Variants in ING5 observed in about 807,000 individuals in gnomAD.
The protein encoded by ING5 is inhibitor of growth family member 5, also known as inhibitor of growth protein 5.
In ING5, 17 loss-of-function variants were observed where a neutral mutation model predicts 37.4. The ratio of observed to expected loss-of-function variants is 0.45; its 90% confidence interval spans 0.31 to 0.68. The LOEUF is 0.68. Among genes scored for constraint, ING5 ranks in the 30% least tolerant of loss-of-function variants. ING5 has a pLI of 0.05. For synonymous variants in ING5, 123 were observed against 116.6 expected, an observed-to-expected ratio of 1.06 and a Z score of -0.36; for missense variants, 233 against 311.9, an observed-to-expected ratio of 0.75 and a Z score of 1.91.
chr2:241,723,798 T>A (rs779535537), intron 7 of ING5: 3 of 1,597,826 alleles, frequency 1.9e-6, no homozygotes, highest in Non-Finnish European at 2.5e-6. Context: ...CAGATTTCAT[T>A]TAAATAAAAA....
intron 5 of ING5, chr2:241,722,285 G>A (rs113968215): frequency 0.013 from 12,465 of 985,358 alleles, 126 homozygotes; most frequent in African/African-American, 0.048. Flanking sequence ...CAAAGGGGCC[G>A]GGGTCTTTGG....
chr2:241,690,432 C>T (rs2069532457), exon 2 of ING5: 1 of 392,188 alleles, frequency 2.5e-6, no homozygotes, highest in South Asian at 1.4e-4. Flanking sequence ...CAGGTTGGTC[C>T]ACATCCTAGC....
chr2:241,706,956 ATTTTTTTTTT>A (rs35471600), intron 2 of ING5, among the ~76,000 whole-genome samples: 1 of 120,756 alleles, frequency 8.3e-6, no homozygotes, highest in African/African-American at 3.1e-5. Context: ...TGGTGTGGCA[ATTTTTTTTTT>A]TTTTTTTTTT....
At chr2:241,720,162 G>A (rs956587842) in intron 5 of ING5, 26 of 1,236,788 alleles carry the variant, frequency 2.1e-5, no homozygotes, top group East Asian at 9.4e-5. Flanking sequence ...CTGCCGGGGC[G>A]GGAGTGTGCA....
intron 5 of ING5, among the ~76,000 whole-genome samples, chr2:241,712,571 T>C (rs2070143760): frequency 1.3e-5 from 2 of 152,220 alleles, no homozygotes. Context: ...TTTGAGATAC[T>C]TTATTTAAAG....
rs1691693208 is a variant in ING5 at position 241,728,099 on chromosome 2, T to C, written c.*3068T>C. 1 of 152,278 alleles carries C rather than the reference T, an allele frequency of 6.6e-6. No homozygotes were observed. The highest frequency in any genetic ancestry group is 1.5e-5 in the Non-Finnish European group (1 of 68,052). The allele number at this position is 152,278 out of a possible 1,614,324, so 9.4% of individuals were successfully genotyped here. A position where few individuals can be genotyped will look rare whatever the true frequency, so the allele number is the denominator to read the frequency against. On this transcript the variant is annotated 3_prime_UTR_variant, in exon 8 of 8. Coordinates refer to ENST00000313552, the MANE Select transcript of ING5 (RefSeq NM_032329.6). ...CAGAATGAGACAATTCCTTGGGCTG[T>C]AGTTTGGACCCAACTGAATCCTGAG...
rs35435997 is a variant in ING5, at chr2:241,726,040, G to A, written c.*1009G>A. 0.11 allele frequency: 17,268 copies of A among 152,684 alleles called. 966 individuals carry two copies. The highest frequency in any genetic ancestry group is 0.15 in the South Asian group (701 of 4,818). The allele number at this position is 152,684 out of a possible 1,614,324, so 9.5% of individuals were successfully genotyped here. A position where few individuals can be genotyped will look rare whatever the true frequency, so the allele number is the denominator to read the frequency against. ...TAATGAGCGTTCACCAAGCTGAGCC[G>A]GAGCCATCCTTTCGGTGGTAGTTGG... On this transcript the variant is annotated 3_prime_UTR_variant, in exon 8 of 8. Coordinates refer to ENST00000313552, the MANE Select transcript of ING5 (RefSeq NM_032329.6).
intron 2 of ING5, among the ~76,000 whole-genome samples, chr2:241,691,919 G>A (rs922531961): frequency 3.9e-5 from 6 of 152,030 alleles, no homozygotes; most frequent in Admixed American, 1.3e-4. Context: ...ATAGGTGGGC[G>A]TGCCTATAGT....
At chr2:241,708,396 A>G (rs1210683528) in intron 2 of ING5, among the ~76,000 whole-genome samples, 4 of 150,390 alleles carry the variant, frequency 2.7e-5, no homozygotes, top group Admixed American at 6.7e-5. Flanking sequence ...TTTAGTAGAG[A>G]CGGGGTTTCA....
upstream of ING5, among the ~76,000 whole-genome samples, chr2:241,699,652 C>T (rs529011118): frequency 2.3e-3 from 353 of 150,424 alleles, 1 homozygote; most frequent in African/African-American, 8.1e-3. Flanking sequence ...TGACCAGCAA[C>T]GTTGCATCTC....
At chr2:241,718,321 C>T (rs2070331071) in intron 5 of ING5, among the ~76,000 whole-genome samples, 1 of 82,802 alleles carries the variant, frequency 1.2e-5, no homozygotes, top group South Asian at 6.3e-4. Flanking sequence ...TCTTTCCTCC[C>T]TTCCTCCCTC....
At chr2:241,687,479 C>T (rs112822336) in exon 1 of ING5, 4,675 of 398,004 alleles carry the variant, frequency 0.012, 201 homozygotes, top group African/African-American at 0.087. Context: ...TCACTGTTGT[C>T]CCTGAAGCGC....
chr2:241,693,086 C>G (rs1000361796), intron 2 of ING5, among the ~76,000 whole-genome samples: 7 of 151,864 alleles, frequency 4.6e-5, no homozygotes, highest in African/African-American at 1.7e-4. Context: ...TGGTGAAACC[C>G]CGTCTCTACT....
intron 2 of ING5, among the ~76,000 whole-genome samples, chr2:241,692,962 A>T (rs2124850905): frequency 6.6e-6 from 1 of 152,146 alleles, no homozygotes; most frequent in African/African-American, 2.4e-5. Context: ...ACTTCATTTA[A>T]CCTTAATTAG....
At chr2:241,707,931 C>T (rs1336659759) in intron 2 of ING5, among the ~76,000 whole-genome samples, 1 of 152,078 alleles carries the variant, frequency 6.6e-6, no homozygotes, top group African/African-American at 2.4e-5. Context: ...CGGAGTCTCG[C>T]TTTACCATCA....
chr2:241,721,018 G>A, intron 5 of ING5: 1 of 985,642 alleles, frequency 1.0e-6, no homozygotes, highest in Non-Finnish European at 1.2e-6. Flanking sequence ...ACCTGGTGAT[G>A]CTGAGACACA....
intron 5 of ING5, among the ~76,000 whole-genome samples, chr2:241,716,828 T>G (rs1034281176): frequency 6.6e-6 from 1 of 152,180 alleles, no homozygotes; most frequent in East Asian, 1.9e-4. Flanking sequence ...ATATGTGGAA[T>G]GTAAAGATGT....
At chr2:241,701,851 G>A (rs892213040), upstream of ING5, among the ~76,000 whole-genome samples, 1 of 151,884 alleles carries the variant, frequency 6.6e-6, no homozygotes, top group Non-Finnish European at 1.5e-5. Flanking sequence ...TGCGGCCCTG[G>A]GTCCTGCTCG....
chr2:241,723,952 G>A, intron 7 of ING5: 1 of 1,271,914 alleles, frequency 7.9e-7, no homozygotes, highest in African/African-American at 1.5e-5. Context: ...CGAGGCTTCA[G>A]TGAGCTGAGA....
Sources: gnomAD v4.1 joint callset for allele counts (sites outside exome capture counted in the v4.1 genomes callset) on GRCh38, gnomAD v4.1.1 for gene constraint, MANE v1.5 for transcripts, NCBI Gene and HGNC (gene_info 2026-07-23, HGNC 2026-07-21) for gene names.